CAMTA1: variants seen among roughly 807,000 people sequenced by gnomAD.
CAMTA1 encodes calmodulin-binding transcription activator 1.
CAMTA1 carries 27 observed loss-of-function variants against 170.9 expected under a neutral mutation model. The ratio of observed to expected loss-of-function variants is 0.16; its 90% CI spans 0.12 to 0.22. The LOEUF (loss-of-function observed/expected upper bound fraction) is 0.22, where lower values mean the gene tolerates loss of function less well. Ranked by LOEUF, CAMTA1 falls within the 10% of genes least tolerant of loss-of-function variation. CAMTA1 has a pLI of 1.00. For missense variants in CAMTA1, 1,619 were observed against 2,217.2 expected (o/e 0.73, Z 5.42); for synonymous variants, 833 against 891.5 (o/e 0.93, Z 1.17).
chr1:7,355,681 C>T (rs924612818), intron 5 of CAMTA1, among the ~76,000 whole-genome samples: 6 of 152,252 alleles, frequency 3.9e-5, no homozygotes, highest in Admixed American at 6.5e-5. Context: ...TCTTCAGATG[C>T]TCCAGTGGCT....
intron 4 of CAMTA1, among the ~76,000 whole-genome samples, chr1:7,154,216 C>A (rs895731178): frequency 2.6e-5 from 4 of 152,134 alleles, no homozygotes; most frequent in African/African-American, 9.7e-5. Flanking sequence ...GGTACCCTTT[C>A]TAGAGTCAGA....
chr1:7,735,016 T>C (rs1414088189), intron 12 of CAMTA1, among the ~76,000 whole-genome samples: 1 of 152,202 alleles, frequency 6.6e-6, no homozygotes, highest in Non-Finnish European at 1.5e-5. Context: ...GTAACCCATG[T>C]GGTTAAAATT....
intron 3 of CAMTA1, among the ~76,000 whole-genome samples, chr1:6,878,075 C>T (rs779041916): frequency 1.3e-5 from 2 of 152,216 alleles, no homozygotes; most frequent in Non-Finnish European, 2.9e-5. Flanking sequence ...ATTAAAGAAA[C>T]ACCAGACCAG....
chr1:7,500,927 G>A (rs2093995360), intron 6 of CAMTA1, among the ~76,000 whole-genome samples: 1 of 152,254 alleles, frequency 6.6e-6, no homozygotes, highest in African/African-American at 2.4e-5. Flanking sequence ...CTGGCAAGAG[G>A]GGTCCCAGGC....
chr1:7,758,832 G>A (rs1294799857), intron 22 of CAMTA1, among the ~76,000 whole-genome samples: 1 of 151,226 alleles, frequency 6.6e-6, no homozygotes, highest in Non-Finnish European at 1.5e-5. Flanking sequence ...CTACTCGGGA[G>A]GCTGAGGCAG....
chr1:7,530,075 C>G (rs1399106113), intron 6 of CAMTA1, among the ~76,000 whole-genome samples: 1 of 152,162 alleles, frequency 6.6e-6, no homozygotes. Flanking sequence ...GGCTCGTCAG[C>G]TCCACCCACA....
intron 3 of CAMTA1, among the ~76,000 whole-genome samples, chr1:6,898,179 T>C (rs1291912234): frequency 2.0e-5 from 3 of 152,106 alleles, no homozygotes; most frequent in Non-Finnish European, 4.4e-5. Flanking sequence ...TAATGTGTCC[T>C]GATTTAGAGG....
intron 4 of CAMTA1, among the ~76,000 whole-genome samples, chr1:7,210,102 T>G (rs568097208): frequency 6.6e-6 from 1 of 152,332 alleles, no homozygotes; most frequent in African/African-American, 2.4e-5. Flanking sequence ...ACTAATGCAA[T>G]AGCATTATCC....
intron 22 of CAMTA1, among the ~76,000 whole-genome samples, chr1:7,761,186 G>A (rs181516641): frequency 2.3e-4 from 35 of 152,292 alleles, no homozygotes; most frequent in Admixed American, 5.9e-4. Context: ...TGTCTTTAAT[G>A]TTAATAGCTG....
chr1:7,026,094 T>C (rs1355070883), intron 3 of CAMTA1, among the ~76,000 whole-genome samples: 9 of 149,694 alleles, frequency 6.0e-5, no homozygotes. Context: ...CACTCAAACC[T>C]GGGCAACAGA....
At chr1:7,190,099 A>G (rs1479429773) in intron 4 of CAMTA1, among the ~76,000 whole-genome samples, 1 of 152,224 alleles carries the variant, frequency 6.6e-6, no homozygotes, top group Non-Finnish European at 1.5e-5. Flanking sequence ...GCAAAGGCAT[A>G]AGGATGACAC....
intron 5 of CAMTA1, among the ~76,000 whole-genome samples, chr1:7,255,024 A>G (rs540106227): frequency 1.3e-5 from 2 of 152,230 alleles, no homozygotes; most frequent in Non-Finnish European, 2.9e-5. Flanking sequence ...GTAAAAAATC[A>G]TGTGTCTCAC....
rs2095510145 is a variant in CAMTA1 at position 7,609,609 on chromosome 1, G to A, written c.511-30791G>A. ...GGCCATGGCACAAAAGGGGAGGGGA[G>A]CAGGGTCCTGGCTGTCACCCATGTC... On this transcript the variant is annotated intron_variant, in intron 6 of 22. Coordinates refer to ENST00000303635, the MANE Select transcript of CAMTA1 (RefSeq NM_015215.4). This position sits in a 1 kb window ranked among gnomAD's most constrained non-coding sequence, Gnocchi z 4.4. Among the ~76,000 whole-genome samples the A allele has an allele frequency of 6.6e-6, 1 of 152,194 alleles. No homozygotes were observed. The highest frequency in any genetic ancestry group is 1.5e-5 in the Non-Finnish European group (1 of 68,020).
intron 6 of CAMTA1, among the ~76,000 whole-genome samples, chr1:7,551,507 C>T (rs2094802471): frequency 6.6e-6 from 1 of 152,192 alleles, no homozygotes; most frequent in Non-Finnish European, 1.5e-5. Context: ...TCCAGAGAAC[C>T]GTGTGTCTTC....
chr1:7,612,064 T>G (rs1381304761), intron 6 of CAMTA1, among the ~76,000 whole-genome samples: 1 of 152,260 alleles, frequency 6.6e-6, no homozygotes, highest in Non-Finnish European at 1.5e-5. Context: ...AATGCTGTTT[T>G]GGCAGTTGCC....
At position 7,736,529 on chromosome 1, in the gene CAMTA1, C is replaced by T; in HGVS notation, c.3252C>T (p.Leu1084=). 1 of 1,614,176 alleles carries T rather than the reference C, an allele frequency of 6.2e-7. No homozygotes were observed. Among genetic ancestry groups the T allele is most frequent in the African/African-American group, 1.3e-5 (1 of 75,062 alleles). ...GCTATGCCACCCTAATCCAGACCCT[C>T]ATCAAATGGCGGTAAGGCTGTGGTG... ...AQGYATLIQT[L]IKWRTKHADS... Residue 1084 remains leucine, a synonymous_variant, in exon 13 of 23, where the codon CTC becomes CTT. Coordinates refer to ENST00000303635, the MANE Select transcript of CAMTA1 (RefSeq NM_015215.4). This position sits in a 1 kb window ranked among gnomAD's most constrained non-coding sequence, Gnocchi z 4.5.
At chr1:7,061,919 T>A (rs181309923) in intron 3 of CAMTA1, among the ~76,000 whole-genome samples, 1 of 152,120 alleles carries the variant, frequency 6.6e-6, no homozygotes, top group African/African-American at 2.4e-5. Context: ...TCCTATTATA[T>A]TAAATTTTAT....
At chr1:7,328,750 G>C (rs2082848818) in intron 5 of CAMTA1, among the ~76,000 whole-genome samples, 1 of 151,582 alleles carries the variant, frequency 6.6e-6, no homozygotes, top group Non-Finnish European at 1.5e-5. Flanking sequence ...TTAAATTTTA[G>C]TTATTGTATT....
At chr1:6,984,350 C>T (rs967633149) in intron 3 of CAMTA1, among the ~76,000 whole-genome samples, 23 of 152,058 alleles carry the variant, frequency 1.5e-4, no homozygotes, top group Non-Finnish European at 2.9e-4. Flanking sequence ...AGCACATTGC[C>T]TGTTGCAAAG....
Sources: allele counts gnomAD v4.1 joint callset (sites outside exome capture counted in the v4.1 genomes callset), GRCh38; gene constraint gnomAD v4.1.1; non-coding constraint Gnocchi (gnomAD v3.1); transcripts MANE v1.5; gene names NCBI Gene and HGNC (gene_info 2026-07-23, HGNC 2026-07-21).